LPIN1: variants seen among roughly 807,000 people sequenced by gnomAD.
The protein encoded by LPIN1 is lipin 1.
Under a neutral mutation model 107.5 loss-of-function variants are expected in LPIN1, and 71 were observed. The observed-to-expected ratio is 0.66, with a 90% confidence interval of 0.55 to 0.80. The LOEUF is 0.80. Among genes scored for constraint, LPIN1 ranks in the 30% least tolerant of loss-of-function variants. The pLI is 0.00. For missense variants in LPIN1, 1,043 were observed against 1,160.6 expected (o/e 0.90, Z 1.47); for synonymous variants, 445 against 452.6 (o/e 0.98, Z 0.21).
chr2:11,747,329 A>G (rs1036112354), intron 1 of LPIN1, among the ~76,000 whole-genome samples: 3 of 152,216 alleles, frequency 2.0e-5, no homozygotes, highest in Non-Finnish European at 4.4e-5. Flanking sequence ...CCTGCACGTA[A>G]TTTTATTATG....
At chr2:11,804,678 C>T (rs1431852374) in intron 16 of LPIN1, 107 bp downstream of exon 16, 17 of 1,212,526 alleles carry the variant, frequency 1.4e-5, no homozygotes, top group African/African-American at 7.4e-5. Flanking sequence ...TTGCACGGTT[C>T]GAATTCTGGT....
At chr2:11,790,034 G>A (rs1323191705) in intron 12 of LPIN1, among the ~76,000 whole-genome samples, 2 of 152,090 alleles carry the variant, frequency 1.3e-5, no homozygotes, top group African/African-American at 4.8e-5. Flanking sequence ...CAAAACTTGT[G>A]AAGATAGGCC....
chr2:11,806,936 A>T (rs531496345), intron 17 of LPIN1, among the ~76,000 whole-genome samples: 1 of 152,236 alleles, frequency 6.6e-6, no homozygotes, highest in South Asian at 2.1e-4. Context: ...TTTATGTAAT[A>T]TTTACCTTAC....
At position 11,824,882 on chromosome 2, in the gene LPIN1, G is replaced by C. The variant is rs1212135889; in HGVS notation, c.*91G>C. The C allele has an allele frequency of 6.9e-7, 1 of 1,455,530 alleles. No homozygotes were observed. Among genetic ancestry groups the C allele is most frequent in the Non-Finnish European group, 9.6e-7 (1 of 1,044,794 alleles). The allele number at this position is 1,455,530 out of a possible 1,614,324, so 90.2% of individuals were successfully genotyped here. ...CCCCGGAGTGCACAGCTCCACCTGG[G>C]AGCCTGGCGCGTCATCATTGGCCTG... On this transcript the variant is annotated 3_prime_UTR_variant, in exon 21 of 21. Transcript: ENST00000674199.
At chr2:11,748,162 G>T (rs1027705780) in intron 1 of LPIN1, among the ~76,000 whole-genome samples, 2 of 152,236 alleles carry the variant, frequency 1.3e-5, no homozygotes, top group Non-Finnish European at 2.9e-5. Context: ...GAAGGAGCCT[G>T]CCCTGGATTA....
At chr2:11,758,247 G>A (rs184997639) in intron 1 of LPIN1, among the ~76,000 whole-genome samples, 2 of 151,558 alleles carry the variant, frequency 1.3e-5, no homozygotes, top group East Asian at 3.9e-4. Context: ...ATATCTTTTC[G>A]AGACCTGCTT....
At chr2:11,732,905 C>CTGTGTG (rs774820092) in intron 1 of LPIN1, among the ~76,000 whole-genome samples, 110 of 147,056 alleles carry the variant, frequency 7.5e-4, no homozygotes, top group African/African-American at 2.6e-3. Flanking sequence ...CTCTCTCTCT[C>CTGTGTG]TCTCTCTGTG....
At chr2:11,749,619 A>C (rs1053971642) in intron 1 of LPIN1, among the ~76,000 whole-genome samples, 1 of 152,102 alleles carries the variant, frequency 6.6e-6, no homozygotes, top group African/African-American at 2.4e-5. Context: ...ACCCAGGCTG[A>C]CACTTTTCAC....
intron 14 of LPIN1, among the ~76,000 whole-genome samples, chr2:11,802,211 G>T (rs1677874485): frequency 1.3e-5 from 2 of 152,206 alleles, no homozygotes; most frequent in Non-Finnish European, 2.9e-5. Context: ...TGAGTGAATA[G>T]CTAATTACAG....
chr2:11,715,131 T>A (rs1311251894), intron 2 of LPIN1, among the ~76,000 whole-genome samples: 1 of 152,122 alleles, frequency 6.6e-6, no homozygotes, highest in Non-Finnish European at 1.5e-5. Flanking sequence ...GAAATTGAAG[T>A]AAGTGACCCC....
At chr2:11,737,603 G>A (rs1024927662) in intron 1 of LPIN1, among the ~76,000 whole-genome samples, 1 of 152,162 alleles carries the variant, frequency 6.6e-6, no homozygotes, top group African/African-American at 2.4e-5. Context: ...CTCAAAAGAA[G>A]ACATTTATGT....
At chr2:11,773,236 T>G (rs1672142481) in intron 4 of LPIN1, among the ~76,000 whole-genome samples, 1 of 152,238 alleles carries the variant, frequency 6.6e-6, no homozygotes, top group South Asian at 2.1e-4. Context: ...CAGTTCTGCC[T>G]GTACCTGGCA....
intron 1 of LPIN1, among the ~76,000 whole-genome samples, chr2:11,759,819 C>T (rs1301687216): frequency 8.3e-5 from 5 of 60,370 alleles, no homozygotes; most frequent in East Asian, 4.1e-4. Flanking sequence ...GGGGCTGACC[C>T]CCCACCTCCC....
chr2:11,715,469 A>C (rs928891874), intron 2 of LPIN1, among the ~76,000 whole-genome samples: 1 of 152,204 alleles, frequency 6.6e-6, no homozygotes, highest in African/African-American at 2.4e-5. Flanking sequence ...TCAGGAGTGC[A>C]AAATCTGGGC....
chr2:11,728,314 G>A (rs575579921), intron 1 of LPIN1, among the ~76,000 whole-genome samples: 1 of 152,190 alleles, frequency 6.6e-6, no homozygotes, highest in South Asian at 2.1e-4. Flanking sequence ...GACAATCTCT[G>A]TCTTTTAACT....
chr2:11,748,750 T>G (rs554383700), intron 1 of LPIN1, among the ~76,000 whole-genome samples: 1 of 152,110 alleles, frequency 6.6e-6, no homozygotes, highest in South Asian at 2.1e-4. Context: ...GGTACCTAAA[T>G]GAGGTTAATT....
chr2:11,806,052 T>G (rs373838449), intron 17 of LPIN1, among the ~76,000 whole-genome samples: 1 of 152,234 alleles, frequency 6.6e-6, no homozygotes, highest in Non-Finnish European at 1.5e-5. Context: ...AAGGTGCCTC[T>G]GCCTGAATCA....
At position 11,773,762 on chromosome 2, in the gene LPIN1, T is replaced by C; in HGVS notation, c.722+17T>C. 3.7e-6 allele frequency: 6 copies of C among 1,613,872 alleles called. No homozygotes were observed. The highest frequency in any genetic ancestry group is 5.1e-6 in the Non-Finnish European group (6 of 1,179,854). On this transcript the variant is annotated intron_variant, in intron 5 of 20. Transcript: ENST00000674199. The stretch of plus-strand genomic sequence containing the variant: ...CACTCCCAGGTAAGCTGTTCCCTGT[T>C]CCCCTGGCCCAGTGCAGAGGCTTAG...
At chr2:11,685,605 G>C (rs1215848232) in intron 1 of LPIN1, among the ~76,000 whole-genome samples, 1 of 152,190 alleles carries the variant, frequency 6.6e-6, no homozygotes, top group African/African-American at 2.4e-5. Flanking sequence ...CTGAAATACA[G>C]AGTTTAAAAA....
Sources: allele counts gnomAD v4.1 joint callset (sites outside exome capture counted in the v4.1 genomes callset), GRCh38; gene constraint gnomAD v4.1.1; transcripts MANE v1.5; gene names NCBI Gene and HGNC (gene_info 2026-07-23, HGNC 2026-07-21).